Variants in ZNF444 observed in about 807,000 individuals in gnomAD.
ZNF444 encodes endothelial zinc finger protein 2.
Under a neutral mutation model 14.4 loss-of-function variants are expected in ZNF444, and 8 were observed. The observed-to-expected ratio is 0.56, with a 90% CI of 0.33 to 1.00. The LOEUF (loss-of-function observed/expected upper bound fraction) is 1.00, where lower values mean the gene tolerates loss of function less well. Ranked by LOEUF, ZNF444 falls within the 50% of genes least tolerant of loss-of-function variation. The probability of loss-of-function intolerance (pLI) is 0.03; values close to 1 mark genes in which losing one functional copy is unlikely to be tolerated. For synonymous variants in ZNF444, 258 were observed against 235.9 expected, an observed-to-expected ratio of 1.09 and a Z score of -0.86; for missense variants, 510 against 504.8, an observed-to-expected ratio of 1.01 and a Z score of -0.10.
At chr19:56,133,081 G>C (rs1426194204) in intron 1 of ZNF444, among the ~76,000 whole-genome samples, 1 of 151,664 alleles carries the variant, frequency 6.6e-6, no homozygotes, top group South Asian at 2.1e-4. Flanking sequence ...GGGATTACAG[G>C]CATGGGCCAC....
chr19:56,146,924 G>A lies in ZNF444; in HGVS notation c.13G>A (p.Val5Met). MEVA[V>M]PVKQEAEGLA... ...TCCGGGAGGCCCCATGGAGGTGGCG[G>A]TGCCCGTGAAGCAGGAGGCCGAGGG... Residue 5 changes from valine to methionine, a missense_variant, in exon 3 of 5, where the codon GTG becomes ATG. By Grantham distance (21) the Val-to-Met change is conservative. Transcript: ENST00000337080. 1 of 1,436,188 alleles carries A rather than the reference G, an allele frequency of 7.0e-7. No homozygotes were observed. The highest frequency in any genetic ancestry group is 2.9e-5 in the East Asian group (1 of 34,626). 89.0% of individuals were successfully genotyped at this position (1,436,188 alleles called of 1,614,324 possible). A position where few individuals can be genotyped will look rare whatever the true frequency, so the allele number is the denominator to read the frequency against.
intron 3 of ZNF444, chr19:56,155,435 A>G (rs1453526410): frequency 6.6e-6 from 1 of 152,394 alleles, no homozygotes; most frequent in Non-Finnish European, 1.5e-5. Flanking sequence ...CCAGACCCCC[A>G]ACCCTGAGTC....
intron 3 of ZNF444, chr19:56,155,542 C>G (rs1038027606): frequency 6.6e-6 from 1 of 152,356 alleles, no homozygotes; most frequent in African/African-American, 2.4e-5. Flanking sequence ...GTGACCCTCC[C>G]TGGAGCCAAG....
chr19:56,134,743 G>A (rs1306040753), intron 1 of ZNF444, among the ~76,000 whole-genome samples: 1 of 151,834 alleles, frequency 6.6e-6, no homozygotes, highest in Non-Finnish European at 1.5e-5. Context: ...TGCCAACATT[G>A]CACAGATCGT....
chr19:56,158,626 C>T (rs1422395319), intron 4 of ZNF444, 24 bp downstream of exon 4: 4 of 1,576,350 alleles, frequency 2.5e-6, no homozygotes, highest in Non-Finnish European at 3.5e-6. Context: ...CTCTCTGGTT[C>T]TCCCCGCCAG....
At chr19:56,142,004 T>C (rs1206562602) in intron 1 of ZNF444, among the ~76,000 whole-genome samples, 2 of 152,122 alleles carry the variant, frequency 1.3e-5, no homozygotes, top group African/African-American at 4.8e-5. Context: ...CCTTCGGTAA[T>C]ATGTGTAAAG....
At chr19:56,139,587 G>T (rs4801294), upstream of ZNF444, among the ~76,000 whole-genome samples, 109,598 of 151,880 alleles carry the variant, frequency 0.72, 44,185 homozygotes, top group South Asian at 0.93. Context: ...TCAGGAGGAT[G>T]CAGCATGAGA....
chr19:56,158,649 G>A (rs2032057810), intron 4 of ZNF444, 47 bp downstream of exon 4: 3 of 1,504,060 alleles, frequency 2.0e-6, no homozygotes, highest in South Asian at 1.2e-5. Context: ...CCCAGCACCG[G>A]GGAGGGGGTT....
chr19:56,143,572 T>TGTTAGCTGA (rs1320979713), intron 1 of ZNF444: 1 of 152,228 alleles, frequency 6.6e-6, no homozygotes, highest in African/African-American at 2.4e-5. Context: ...CTCTGCCACG[T>TGTTAGCTGA]GTTAGCTGAG....
Position 56,147,590 on chromosome 19 carries a change from G to T in ZNF444, c.297+382G>T, listed in dbSNP as rs181740758. Among the ~76,000 whole-genome samples, 81 of 152,242 alleles carry T rather than the reference G, an allele frequency of 5.3e-4. 1 individual carries two copies. In the East Asian group the frequency reaches 0.014, roughly 27 times the overall value. On this transcript the variant is annotated intron_variant, in intron 3 of 4. Coordinates refer to ENST00000337080, the MANE Select transcript of ZNF444 (RefSeq NM_018337.4). This position sits in a 1 kb window ranked among gnomAD's most constrained non-coding sequence, Gnocchi z 5.9. ...CCGCCCGCACGCAGGGGGTCTTGCCGGCCAGGAATTCTCCTCAGACCGTGG... is the reference window on the plus strand; with the variant it reads ...CCGCCCGCACGCAGGGGGTCTTGCCTGCCAGGAATTCTCCTCAGACCGTGG...
At chr19:56,152,678 T>C (rs777032018) in intron 3 of ZNF444, among the ~76,000 whole-genome samples, 28 of 152,140 alleles carry the variant, frequency 1.8e-4, no homozygotes, top group Non-Finnish European at 2.8e-4. Context: ...TTCTCACAGT[T>C]CTGCAGGCTG....
upstream of ZNF444, among the ~76,000 whole-genome samples, chr19:56,138,685 G>C (rs1046055762): frequency 6.6e-6 from 1 of 152,074 alleles, no homozygotes; most frequent in Non-Finnish European, 1.5e-5. Flanking sequence ...CCAGGAGCTC[G>C]GGGGAGAGAG....
At chr19:56,132,914 T>A in intron 1 of ZNF444, 1 of 127,124 alleles carries the variant, frequency 7.9e-6, no homozygotes, top group South Asian at 2.9e-4. Flanking sequence ...CTTTTTTTTC[T>A]TTTTCTTTCT....
chr19:56,133,183 C>T (rs1433498125), intron 1 of ZNF444, among the ~76,000 whole-genome samples: 1 of 151,826 alleles, frequency 6.6e-6, no homozygotes, highest in African/African-American at 2.4e-5. Context: ...GGTGATCCAC[C>T]CACCTCGGCC....
chr19:56,157,141 G>C (rs1338272063), intron 3 of ZNF444: 1 of 152,348 alleles, frequency 6.6e-6, no homozygotes, highest in African/African-American at 2.4e-5. Flanking sequence ...GGTGGTCCAG[G>C]GTGGTGCTCT....
In ZNF444 at chr19:56,147,153, G is replaced by A; in HGVS notation, c.242G>A (p.Cys81Tyr). Residue 81 changes from cysteine (C) to tyrosine (Y), a missense_variant, in exon 3 of 5, where the codon TGC (cysteine) becomes TAC (tyrosine). By Grantham distance (194) the Cys-to-Tyr change is radical. Transcript: ENST00000337080. This position sits in a 1 kb window ranked among gnomAD's most constrained non-coding sequence, Gnocchi z 5.9. ...ALPADTQAWV[C>Y]SRQPQSGEEA... The stretch of plus-strand genomic sequence containing the variant: ...CCCGCCGACACGCAGGCCTGGGTGT[G>A]CAGCCGGCAGCCGCAGAGCGGGGAG... The A allele has an allele frequency of 6.6e-7, 1 of 1,509,844 alleles. No homozygotes were observed. Among genetic ancestry groups the A allele is most frequent in the Non-Finnish European group, 8.8e-7 (1 of 1,135,448 alleles). 93.5% of individuals were successfully genotyped at this position (1,509,844 alleles called of 1,614,324 possible).
intron 1 of ZNF444, among the ~76,000 whole-genome samples, chr19:56,133,158 A>C (rs1276270922): frequency 6.6e-6 from 1 of 151,224 alleles, no homozygotes; most frequent in East Asian, 2.0e-4. Flanking sequence ...GACTGGTCTC[A>C]AACTCCTGAC....
chr19:56,147,283 G>A lies in ZNF444; in HGVS notation c.297+75G>A. On this transcript the variant is annotated intron_variant, in intron 3 of 4. Transcript: ENST00000337080. The surrounding 1 kb of genome is among the most constrained non-coding windows in gnomAD (Gnocchi z 5.9). ...GGAAGCCACCAGGAAGCCCAGGGAG[G>A]AGCACCACTGAACCCCTGAAAACCA... The A allele has an allele frequency of 7.3e-7, 1 of 1,374,852 alleles. No individual in the cohort carries two copies. Among genetic ancestry groups the A allele is most frequent in the Non-Finnish European group, 9.4e-7 (1 of 1,066,198 alleles). The allele number at this position is 1,374,852 out of a possible 1,614,324, so 85.2% of individuals were successfully genotyped here.
At chr19:56,140,498 G>T (rs1411885023), upstream of ZNF444, among the ~76,000 whole-genome samples, 1 of 152,108 alleles carries the variant, frequency 6.6e-6, no homozygotes, top group African/African-American at 2.4e-5. Context: ...TCACCCCAGG[G>T]GAAACTGAGG....
Sources: allele counts gnomAD v4.1 joint callset (sites outside exome capture counted in the v4.1 genomes callset), GRCh38; gene constraint gnomAD v4.1.1; non-coding constraint Gnocchi (gnomAD v3.1); transcripts MANE v1.5; gene names NCBI Gene and HGNC (gene_info 2026-07-23, HGNC 2026-07-21).